Variants in RET observed in about 807,000 individuals in gnomAD.
RET encodes the protein ret proto-oncogene.
In RET, 19 loss-of-function variants were observed where a neutral mutation model predicts 118.3. That is an observed-to-expected ratio of 0.16 (90% CI 0.11 to 0.24). The LOEUF (loss-of-function observed/expected upper bound fraction) is 0.24. Among genes scored for constraint, RET ranks in the 10% least tolerant of loss-of-function variants. The pLI is 1.00. For synonymous variants in RET, 597 were observed against 644.1 expected (o/e 0.93, Z 1.11); for missense variants, 1,219 against 1,502.1 (o/e 0.81, Z 3.12).
chr10:43,106,083 G>T lies in RET; in HGVS notation c.868-293G>T, dbSNP rs1459215515. On this transcript the variant is annotated intron_variant, in intron 4 of 19. Coordinates refer to ENST00000355710, the MANE Select transcript of RET (RefSeq NM_020975.6). The surrounding 1 kb of genome is among the most constrained non-coding windows in gnomAD (Gnocchi z 5.1). ...ATCCTGCTCTCTGGGGACCTGGATG[G>T]GACCTGCCAGCAGGGTGCCTGGGCA... Among the ~76,000 whole-genome samples, 2 of 152,162 alleles carry T rather than the reference G, an allele frequency of 1.3e-5. No individual in the cohort carries two copies. The highest frequency in any genetic ancestry group is 1.3e-4 in the Admixed American group (2 of 15,284).
chr10:43,108,368 C>T (rs1837832863), intron 5 of RET, among the ~76,000 whole-genome samples: 1 of 152,152 alleles, frequency 6.6e-6, no homozygotes. Flanking sequence ...TGTTTCTTAA[C>T]CCTTGCCTGG....
At chr10:43,120,301 T>G in intron 15 of RET, 98 bp downstream of exon 15, 2 of 1,521,190 alleles carry the variant, frequency 1.3e-6, no homozygotes, top group Non-Finnish European at 1.8e-6. Flanking sequence ...TACCGAAGAT[T>G]AGTGGAGCTC....
intron 1 of RET, among the ~76,000 whole-genome samples, chr10:43,088,872 G>A (rs567628583): frequency 2.6e-5 from 4 of 152,226 alleles, no homozygotes; most frequent in South Asian, 2.1e-4. Context: ...ATTCACCTCC[G>A]GCCCTGTGCT....
chr10:43,097,925 G>A (rs1303184226), intron 1 of RET, among the ~76,000 whole-genome samples: 1 of 152,174 alleles, frequency 6.6e-6, no homozygotes, highest in Non-Finnish European at 1.5e-5. Context: ...CAAAAAGAGA[G>A]ATCGATTACA....
chr10:43,085,697 T>C (rs1047820946), intron 1 of RET, among the ~76,000 whole-genome samples: 1 of 152,208 alleles, frequency 6.6e-6, no homozygotes, highest in Non-Finnish European at 1.5e-5. Flanking sequence ...TTGTCACACA[T>C]GGGGGTAGTG....
intron 18 of RET, among the ~76,000 whole-genome samples, chr10:43,126,005 C>G (rs1324360191): frequency 6.6e-6 from 1 of 152,234 alleles, no homozygotes; most frequent in Non-Finnish European, 1.5e-5. Flanking sequence ...CCAGTGGCCC[C>G]TCGTGCTGGG....
intron 19 of RET, chr10:43,127,033 TG>T: frequency 1.5e-6 from 2 of 1,294,780 alleles, no homozygotes. Context: ...AAGGCGCTTC[TG>T]GGGTGGGAAT....
At chr10:43,112,274 TGGAAACGG>T in intron 8 of RET, 50 bp downstream of exon 8, 2 of 1,543,364 alleles carry the variant, frequency 1.3e-6, no homozygotes, top group Non-Finnish European at 1.7e-6. Flanking sequence ...ATGGCACCGG[TGGAAACGG>T]GGTCCTGGGG....
chr10:43,096,855 G>A (rs143396024), intron 1 of RET, among the ~76,000 whole-genome samples: 2 of 152,202 alleles, frequency 1.3e-5, no homozygotes, highest in East Asian at 1.9e-4. Context: ...GCTGCAGTCC[G>A]CTGAGGCAGG....
chr10:43,106,625 G>C lies in RET; in HGVS notation c.1063+54G>C. ...TAGGCCCCCAGGAAATGAGGTGCTC[G>C]CTCTTCATGGGCAAGCAGCACCCTA... is the stretch of plus-strand genomic sequence containing the variant. On this transcript the variant is annotated intron_variant, in intron 5 of 19. Coordinates refer to ENST00000355710, the MANE Select transcript of RET (RefSeq NM_020975.6). This position sits in a 1 kb window ranked among gnomAD's most constrained non-coding sequence, Gnocchi z 5.1. The C allele has an allele frequency of 6.4e-7, 1 of 1,568,766 alleles. No homozygotes were observed. Among genetic ancestry groups the C allele is most frequent in the South Asian group, 1.1e-5 (1 of 87,666 alleles).
intron 12 of RET, among the ~76,000 whole-genome samples, chr10:43,117,013 A>C (rs1310257527): frequency 6.6e-6 from 1 of 152,138 alleles, no homozygotes; most frequent in African/African-American, 2.4e-5. Context: ...AGCTGTCTTC[A>C]CTCCAGTCTG....
At chr10:43,119,790 C>T (rs2132952590) in intron 14 of RET, 45 bp downstream of exon 14, 1 of 1,583,796 alleles carries the variant, frequency 6.3e-7, no homozygotes, top group East Asian at 2.3e-5. Flanking sequence ...GGCCAGGCCA[C>T]ACCCTGACCC....
chr10:43,125,000 AT>A lies in RET; in HGVS notation c.3039+20del. The A allele has an allele frequency of 6.2e-7, 1 of 1,612,526 alleles. No homozygotes were observed. Among genetic ancestry groups the A allele is most frequent in the Non-Finnish European group, 8.5e-7 (1 of 1,178,588 alleles). On this transcript the variant is annotated intron_variant, in intron 18 of 19. Coordinates refer to ENST00000355710, the MANE Select transcript of RET (RefSeq NM_020975.6). The stretch of plus-strand genomic sequence containing the variant: ...AGAGGAGAGTGAGTGCCTGGGTCCA[AT>A]TCCCACAAGCTGAAAGTGGCTTGGG...
intron 1 of RET, among the ~76,000 whole-genome samples, chr10:43,084,603 C>A (rs1282873234): frequency 6.6e-6 from 1 of 152,232 alleles, no homozygotes; most frequent in African/African-American, 2.4e-5. Context: ...GCATCAAGAG[C>A]TGCAGAGAAG....
chr10:43,126,089 C>T (rs1010628973), intron 18 of RET, among the ~76,000 whole-genome samples: 6 of 152,292 alleles, frequency 3.9e-5, no homozygotes, highest in Middle Eastern at 6.8e-3. Context: ...CCTGACGTGA[C>T]GTTCTAGATG....
At chr10:43,104,156 A>AG (rs1321294956) in intron 3 of RET, among the ~76,000 whole-genome samples, 7 of 152,122 alleles carry the variant, frequency 4.6e-5, no homozygotes, top group Non-Finnish European at 1.5e-5. Flanking sequence ...GATGCACACT[A>AG]GGCGGTCGGA....
In RET at chr10:43,109,142, A is replaced by G. The variant is rs2132745297; in HGVS notation, c.1175A>G (p.His392Arg). ...QGPGAGVLLLHFNVSVLPVSL... is the reference protein window; with the variant it reads ...QGPGAGVLLLRFNVSVLPVSL... ...CCAGGAGCGGGCGTCCTCTTGCTCC[A>G]CTTCAACGTGTCGGTGCTGCCGGTC... Residue 392 changes from histidine to arginine, a missense_variant, in exon 6 of 20, where the codon CAC becomes CGC. This residue lies in a region of RET where 850 missense variants were observed against 969.6 expected (regional missense o/e 0.88). Transcript: ENST00000355710. 6.2e-7 allele frequency: 1 copy of G among 1,613,816 alleles called. No individual in the cohort carries two copies. Among genetic ancestry groups the G allele is most frequent in the Admixed American group, 1.7e-5 (1 of 60,022 alleles).
At position 43,102,776 on chromosome 10, in the gene RET, C is replaced by T. The variant is rs554876286; in HGVS notation, c.625+147C>T. 48 of 943,426 alleles carry T rather than the reference C, an allele frequency of 5.1e-5. No homozygotes were observed. In the East Asian group the frequency reaches 1.0e-3, roughly 21 times the overall value. The allele number at this position is 943,426 out of a possible 1,614,324, so 58.4% of individuals were successfully genotyped here. ...TCCAGAAGTACCTCTTGCATGCCTG[C>T]CAGGGGCCAGGTACTGTTCTAGGAG... is the stretch of plus-strand genomic sequence containing the variant. On this transcript the variant is annotated intron_variant, in intron 3 of 19. Coordinates refer to ENST00000355710, the MANE Select transcript of RET (RefSeq NM_020975.6).
chr10:43,083,003 C>A (rs1837218202), intron 1 of RET, among the ~76,000 whole-genome samples: 1 of 152,186 alleles, frequency 6.6e-6, no homozygotes, highest in Non-Finnish European at 1.5e-5. Context: ...TGCTCTGTTC[C>A]CCTTCCTGCT....
Sources: allele counts gnomAD v4.1 joint callset (sites outside exome capture counted in the v4.1 genomes callset), GRCh38; gene constraint gnomAD v4.1.1; regional missense constraint gnomAD v4.1.1; non-coding constraint Gnocchi (gnomAD v3.1); transcripts MANE v1.5; gene names NCBI Gene and HGNC (gene_info 2026-07-23, HGNC 2026-07-21).